Variants in ICA1 observed in about 807,000 individuals in gnomAD.
ICA1 encodes the protein 69 kDa islet cell autoantigen.
In ICA1, 40 loss-of-function variants were observed where a neutral mutation model predicts 71.0. The ratio of observed to expected loss-of-function variants is 0.56; its 90% CI spans 0.44 to 0.73. ICA1 has a LOEUF of 0.73. Ranked by LOEUF, ICA1 falls within the 30% of genes least tolerant of loss-of-function variation. ICA1 has a pLI of 0.00. For missense variants in ICA1, 578 were observed against 576.5 expected, an observed-to-expected ratio of 1.00 and a Z score of -0.03; for synonymous variants, 207 against 209.5, an observed-to-expected ratio of 0.99 and a Z score of 0.10.
intron 6 of ICA1, among the ~76,000 whole-genome samples, chr7:8,195,405 G>C (rs1439365771): frequency 6.6e-6 from 1 of 152,042 alleles, no homozygotes; most frequent in Non-Finnish European, 1.5e-5. Context: ...AGCCGGGTGT[G>C]GTGGCGCATG....
intron 10 of ICA1, among the ~76,000 whole-genome samples, chr7:8,140,728 T>C (rs914623707): frequency 2.6e-5 from 4 of 152,166 alleles, no homozygotes; most frequent in Non-Finnish European, 5.9e-5. Flanking sequence ...AAGGTGTACA[T>C]GTGTGAATGG....
intron 6 of ICA1, among the ~76,000 whole-genome samples, chr7:8,175,154 G>A (rs1016410159): frequency 1.2e-4 from 18 of 152,106 alleles, no homozygotes; most frequent in African/African-American, 4.4e-4. Context: ...GGGGCACAGA[G>A]TGGGCTGGCC....
chr7:8,171,174 G>C (rs112649032), intron 6 of ICA1, among the ~76,000 whole-genome samples: 1 of 151,712 alleles, frequency 6.6e-6, no homozygotes, highest in Admixed American at 6.6e-5. Context: ...ACTGGGAAGT[G>C]TTCACTCCTC....
intron 1 of ICA1, among the ~76,000 whole-genome samples, chr7:8,243,620 T>C (rs939006560): frequency 6.6e-6 from 1 of 152,152 alleles, no homozygotes; most frequent in African/African-American, 2.4e-5. Context: ...AAAGAAGAAG[T>C]CTAATTGTCC....
At chr7:8,163,725 G>A (rs1422969699) in intron 6 of ICA1, among the ~76,000 whole-genome samples, 2 of 152,152 alleles carry the variant, frequency 1.3e-5, no homozygotes, top group Non-Finnish European at 1.5e-5. Flanking sequence ...TGTGTGCAAG[G>A]GTTGTGGGGT....
chr7:8,152,716 CCTCCACCAT>C (rs1584612451), intron 8 of ICA1, among the ~76,000 whole-genome samples: 6 of 115,984 alleles, frequency 5.2e-5, no homozygotes, highest in South Asian at 2.8e-4. Context: ...ACCATCACCT[CCTCCACCAT>C]CACCACCACC....
At chr7:8,151,324 A>G (rs915005099) in intron 8 of ICA1, among the ~76,000 whole-genome samples, 2 of 152,244 alleles carry the variant, frequency 1.3e-5, no homozygotes, top group African/African-American at 4.8e-5. Flanking sequence ...GCCAGTCGCC[A>G]TCAGGCGTGG....
intron 1 of ICA1, chr7:8,236,888 G>C (rs1400617913): frequency 6.6e-6 from 1 of 152,304 alleles, no homozygotes; most frequent in East Asian, 1.9e-4. Context: ...CTAGCTGCCA[G>C]AGTGAGTGCT....
chr7:8,127,694 G>A (rs1789798186), intron 13 of ICA1, among the ~76,000 whole-genome samples, 179 bp downstream of exon 13: 1 of 152,040 alleles, frequency 6.6e-6, no homozygotes, highest in Admixed American at 6.6e-5. Context: ...ATTATGAAAA[G>A]GAATGTATTT....
At chr7:8,246,356 C>T (rs1342272400) in intron 1 of ICA1, among the ~76,000 whole-genome samples, 1 of 152,190 alleles carries the variant, frequency 6.6e-6, no homozygotes, top group African/African-American at 2.4e-5. Context: ...CAATGGAAAG[C>T]AAGTTTCTAA....
At position 8,218,406 on chromosome 7, in the gene ICA1, C is replaced by T; in HGVS notation, c.478G>A (p.Glu160Lys). The T allele has an allele frequency of 6.2e-7, 1 of 1,614,132 alleles. No homozygotes were observed. The highest frequency in any genetic ancestry group is 8.5e-7 in the Non-Finnish European group (1 of 1,179,974). The change falls in exon 6 of 14, where the codon GAA becomes AAA. Residue 160 changes from glutamate (E) to lysine (K), a missense_variant. Coordinates refer to ENST00000402384, the MANE Select transcript of ICA1 (RefSeq NM_001136020.3). ...SDTWLTVNRMEQCRTEYRGAL... is the reference protein window; with the variant it reads ...SDTWLTVNRMKQCRTEYRGAL... ...CCTCTATATTCCGTCCTGCACTGTT[C>T]CATGCGGTTCACCGTCAGCCAAGTA...
At chr7:8,140,804 A>T (rs1380159169) in intron 10 of ICA1, among the ~76,000 whole-genome samples, 3 of 152,238 alleles carry the variant, frequency 2.0e-5, no homozygotes, top group Non-Finnish European at 4.4e-5. Context: ...AAAGGCAGAT[A>T]GGAGAAAAGC....
chr7:8,154,040 G>T (rs1367805956), intron 8 of ICA1, among the ~76,000 whole-genome samples: 1 of 151,578 alleles, frequency 6.6e-6, no homozygotes, highest in Non-Finnish European at 1.5e-5. Flanking sequence ...AAGTTAAAAT[G>T]CTACAAAAAT....
At chr7:8,172,721 G>A (rs1216550834) in intron 6 of ICA1, among the ~76,000 whole-genome samples, 1 of 152,136 alleles carries the variant, frequency 6.6e-6, no homozygotes, top group East Asian at 1.9e-4. Flanking sequence ...TAAGAACACA[G>A]TTTAATTTAG....
intron 6 of ICA1, among the ~76,000 whole-genome samples, chr7:8,168,390 G>C (rs1239711040): frequency 1.3e-5 from 2 of 152,052 alleles, no homozygotes; most frequent in Admixed American, 1.3e-4. Flanking sequence ...TTTTACAGAA[G>C]AGGAAATCGA....
chr7:8,118,934 A>G (rs994367727), intron 13 of ICA1, among the ~76,000 whole-genome samples: 2 of 152,236 alleles, frequency 1.3e-5, no homozygotes, highest in African/African-American at 4.8e-5. Flanking sequence ...CTGAATCAGA[A>G]TCCCTGCAGG....
At chr7:8,142,134 A>G (rs1795464292) in intron 9 of ICA1, 1 of 627,188 alleles carries the variant, frequency 1.6e-6, no homozygotes, top group Non-Finnish European at 2.4e-6. Flanking sequence ...ATAGTTAAAA[A>G]AACTGTAAAA....
rs1189100859 is a variant in ICA1, at chr7:8,113,775, T to C, written c.*148A>G. 3 of 750,590 alleles carry C rather than the reference T, an allele frequency of 4.0e-6. No homozygotes were observed. Among genetic ancestry groups the C allele is most frequent in the Non-Finnish European group, 6.5e-6 (3 of 458,432 alleles). 46.5% of individuals were successfully genotyped at this position (750,590 alleles called of 1,614,324 possible). A position where few individuals can be genotyped will look rare whatever the true frequency, so the allele number is the denominator to read the frequency against. ...TATACCAAATAAGAGTAAATAATTA[T>C]ACCAATATAAACAGGGCCGTTGACC... is the stretch of plus-strand genomic sequence containing the variant. On this transcript the variant is annotated 3_prime_UTR_variant, in exon 14 of 14. Transcript: ENST00000402384. This position sits in a 1 kb window ranked among gnomAD's most constrained non-coding sequence, Gnocchi z 4.2.
At chr7:8,116,619 A>G (rs1271707635) in intron 13 of ICA1, 2 of 152,212 alleles carry the variant, frequency 1.3e-5, no homozygotes, top group East Asian at 3.8e-4. Flanking sequence ...CAATCGTTTC[A>G]TGATCATACC....
Sources: gnomAD v4.1 joint callset for allele counts (sites outside exome capture counted in the v4.1 genomes callset) on GRCh38, gnomAD v4.1.1 for gene constraint, Gnocchi (gnomAD v3.1) non-coding constraint, MANE v1.5 for transcripts, NCBI Gene and HGNC (gene_info 2026-07-23, HGNC 2026-07-21) for gene names.